Variants in RASGRF2 observed in about 807,000 individuals in gnomAD.
RASGRF2 encodes Ras protein specific guanine nucleotide releasing factor 2, also known as ras-specific guanine nucleotide-releasing factor 2.
RASGRF2 carries 76 observed loss-of-function variants against 151.0 expected under a neutral mutation model. The observed-to-expected ratio is 0.50, with a 90% CI of 0.42 to 0.61. The LOEUF (loss-of-function observed/expected upper bound fraction) is 0.61, where lower values mean the gene tolerates loss of function less well. Among genes scored for constraint, RASGRF2 ranks in the 20% least tolerant of loss-of-function variants. The pLI is 0.00. For missense variants in RASGRF2, 1,148 were observed against 1,564.6 expected (o/e 0.73, Z 4.49); for synonymous variants, 504 against 566.5 (o/e 0.89, Z 1.57).
chr5:80,965,426 C>T (rs1011869087), intron 1 of RASGRF2, among the ~76,000 whole-genome samples: 1 of 151,968 alleles, frequency 6.6e-6, no homozygotes, highest in Non-Finnish European at 1.5e-5. Context: ...TTATCCTTCT[C>T]TTTAAAGTTA....
At chr5:81,071,286 T>C (rs1304058492) in intron 4 of RASGRF2, among the ~76,000 whole-genome samples, 1 of 152,246 alleles carries the variant, frequency 6.6e-6, no homozygotes, top group Non-Finnish European at 1.5e-5. Context: ...AATTTGTTAT[T>C]ATTCCTCTTA....
At chr5:81,223,738 T>C (rs1461705146) in intron 26 of RASGRF2, among the ~76,000 whole-genome samples, 1 of 151,778 alleles carries the variant, frequency 6.6e-6, no homozygotes, top group Non-Finnish European at 1.5e-5. Context: ...CCTGAAAATC[T>C]AATACGAGAT....
chr5:80,962,531 C>T (rs373553482), intron 1 of RASGRF2, among the ~76,000 whole-genome samples: 3 of 151,416 alleles, frequency 2.0e-5, no homozygotes, highest in African/African-American at 7.3e-5. Flanking sequence ...TTTTAAATTA[C>T]TCAGGATATA....
chr5:81,138,514 C>T (rs1284441616), intron 17 of RASGRF2, among the ~76,000 whole-genome samples: 1 of 152,168 alleles, frequency 6.6e-6, no homozygotes, highest in Non-Finnish European at 1.5e-5. Context: ...CTTCCCCTCT[C>T]CCTGCAAGAG....
chr5:81,185,554 C>G (rs955992378), intron 18 of RASGRF2, among the ~76,000 whole-genome samples: 3 of 152,144 alleles, frequency 2.0e-5, no homozygotes, highest in Non-Finnish European at 4.4e-5. Flanking sequence ...CATAAGTCTC[C>G]CACAGAGAGG....
chr5:81,127,463 C>T (rs887554733), intron 17 of RASGRF2, among the ~76,000 whole-genome samples: 1 of 152,014 alleles, frequency 6.6e-6, no homozygotes, highest in Non-Finnish European at 1.5e-5. Context: ...GCTGAGGCTA[C>T]AGTGAGCTGT....
chr5:81,072,789 C>T (rs966350128), intron 4 of RASGRF2, among the ~76,000 whole-genome samples: 1 of 152,192 alleles, frequency 6.6e-6, no homozygotes, highest in African/African-American at 2.4e-5. Context: ...TCAAGTGATC[C>T]TCTCACCTTA....
At chr5:81,157,982 A>T (rs934236831) in intron 17 of RASGRF2, among the ~76,000 whole-genome samples, 3 of 152,224 alleles carry the variant, frequency 2.0e-5, no homozygotes, top group Non-Finnish European at 4.4e-5. Flanking sequence ...ACAGCTTTAA[A>T]TACAAATATT....
chr5:81,072,508 A>G (rs1751808191), intron 4 of RASGRF2, among the ~76,000 whole-genome samples: 1 of 152,248 alleles, frequency 6.6e-6, no homozygotes. Context: ...ATGTGAATTT[A>G]CAACCTACTT....
chr5:81,222,229 A>G (rs1209620399), intron 26 of RASGRF2, among the ~76,000 whole-genome samples: 1 of 152,130 alleles, frequency 6.6e-6, no homozygotes, highest in Non-Finnish European at 1.5e-5. Flanking sequence ...AACCATCAGT[A>G]TTTGTATTAA....
chr5:81,008,392 C>A (rs962947482), intron 1 of RASGRF2, among the ~76,000 whole-genome samples: 3 of 152,040 alleles, frequency 2.0e-5, no homozygotes, highest in Admixed American at 1.3e-4. Flanking sequence ...CTCCAGTGAT[C>A]CACCTGCTTC....
intron 2 of RASGRF2, among the ~76,000 whole-genome samples, chr5:81,066,235 T>G (rs1751598551): frequency 6.6e-6 from 1 of 152,184 alleles, no homozygotes; most frequent in Non-Finnish European, 1.5e-5. Flanking sequence ...TTCCTGTCAC[T>G]TGTAATTTCA....
At chr5:80,983,959 T>C (rs1402996243) in intron 1 of RASGRF2, among the ~76,000 whole-genome samples, 1 of 152,256 alleles carries the variant, frequency 6.6e-6, no homozygotes, top group Non-Finnish European at 1.5e-5. Context: ...ATTATATTTC[T>C]GTTGTCCAGT....
chr5:81,198,500 C>T (rs1267585607), intron 18 of RASGRF2, among the ~76,000 whole-genome samples: 3 of 151,626 alleles, frequency 2.0e-5, no homozygotes, highest in Non-Finnish European at 4.4e-5. Context: ...AGTGCAGTGG[C>T]GCGATCTTGG....
At position 81,123,727 on chromosome 5, in the gene RASGRF2, C is replaced by A; in HGVS notation, c.2556C>A (p.Ser852=). 6.2e-7 allele frequency: 1 copy of A among 1,613,938 alleles called. No individual in the cohort carries two copies. The highest frequency in any genetic ancestry group is 1.1e-5 in the South Asian group (1 of 91,050). Residue 852 remains serine, a synonymous_variant, in exon 16 of 27, where the codon TCC becomes TCA. Coordinates refer to ENST00000265080, the MANE Select transcript of RASGRF2 (RefSeq NM_006909.3). The part of the protein sequence containing the change: ...ADTTELSPCR[S]PSTPRHLRYR... ...CCACAGAACTTTCACCTTGCAGATC[C>A]CCCTCAACTCCTCGGCACCTCCGCT...
chr5:81,052,018 G>T (rs574004637), intron 2 of RASGRF2, among the ~76,000 whole-genome samples: 1 of 152,032 alleles, frequency 6.6e-6, no homozygotes, highest in Non-Finnish European at 1.5e-5. Flanking sequence ...GTCTTTATAC[G>T]TTCTCATATA....
chr5:81,072,187 C>T (rs1181389620), intron 4 of RASGRF2, among the ~76,000 whole-genome samples: 1 of 152,110 alleles, frequency 6.6e-6, no homozygotes, highest in East Asian at 1.9e-4. Flanking sequence ...TAGACTAAAA[C>T]TTAAAATTGG....
chr5:80,988,008 CGTGTGTGTGTGTGTGTGTGTGTGTGT>C lies in RASGRF2; in HGVS notation c.288+27001_288+27026del, dbSNP rs58750663. ...CATGTGTAGTTTTGAAATAAATGTG[CGTGTGTGTGTGTGTGTGTGTGTGTGT>C]GTGTGTGTGTGTGTGTGTAGTCTTC... On this transcript the variant is annotated intron_variant, in intron 1 of 26. Transcript: ENST00000265080. 1.1e-3 allele frequency among the ~76,000 whole-genome samples: 150 copies of C among 139,494 alleles called. 1 individual carries two copies. Among genetic ancestry groups the C allele is most frequent in the African/African-American group, 3.7e-3 (141 of 37,710 alleles). The allele number at this position is 139,494 out of a possible 152,430, so 91.5% of individuals were successfully genotyped here.
chr5:81,050,484 A>C (rs892931212), intron 2 of RASGRF2, among the ~76,000 whole-genome samples: 1 of 152,098 alleles, frequency 6.6e-6, no homozygotes, highest in Non-Finnish European at 1.5e-5. Context: ...CTTTGCTCTG[A>C]GTTCTGGGAT....
Sources: allele counts gnomAD v4.1 joint callset (sites outside exome capture counted in the v4.1 genomes callset), GRCh38; gene constraint gnomAD v4.1.1; transcripts MANE v1.5; gene names NCBI Gene and HGNC (gene_info 2026-07-23, HGNC 2026-07-21).